ADCY2: variants seen among roughly 807,000 people sequenced by gnomAD.
The protein encoded by ADCY2 is adenylate cyclase 2, also known as adenylate cyclase type 2.
In ADCY2, 31 loss-of-function variants were observed where a neutral mutation model predicts 125.2. That is an observed-to-expected ratio of 0.25 (90% CI 0.19 to 0.33). The LOEUF (loss-of-function observed/expected upper bound fraction) is 0.33. ADCY2 is among the 10% of genes least tolerant of loss of function. ADCY2 has a pLI of 1.00. For synonymous variants in ADCY2, 512 were observed against 548.4 expected, an observed-to-expected ratio of 0.93 and a Z score of 0.93; for missense variants, 904 against 1,418.2, an observed-to-expected ratio of 0.64 and a Z score of 5.82.
intron 23 of ADCY2, among the ~76,000 whole-genome samples, chr5:7,819,865 A>G (rs369263091): frequency 6.6e-6 from 1 of 152,290 alleles, no homozygotes; most frequent in East Asian, 1.9e-4. Context: ...CTCCTACACT[A>G]ACTAGAGATG....
intron 3 of ADCY2, among the ~76,000 whole-genome samples, chr5:7,552,375 T>C (rs1735370343): frequency 6.6e-6 from 1 of 152,250 alleles, no homozygotes; most frequent in Non-Finnish European, 1.5e-5. Context: ...GTTGACAGAC[T>C]CTTTCAGCCT....
intron 4 of ADCY2, among the ~76,000 whole-genome samples, chr5:7,680,380 G>A (rs1740289900): frequency 6.6e-6 from 1 of 152,204 alleles, no homozygotes; most frequent in Non-Finnish European, 1.5e-5. Context: ...AGAAACCATG[G>A]TTTAGAGTAT....
intron 17 of ADCY2, among the ~76,000 whole-genome samples, chr5:7,767,093 T>C (rs1743406958): frequency 6.6e-6 from 1 of 152,226 alleles, no homozygotes; most frequent in Non-Finnish European, 1.5e-5. Flanking sequence ...TTTCCTACCA[T>C]ATGGCATTCA....
chr5:7,730,570 A>G (rs1353291985), intron 14 of ADCY2, among the ~76,000 whole-genome samples: 2 of 152,172 alleles, frequency 1.3e-5, no homozygotes, highest in Non-Finnish European at 2.9e-5. Flanking sequence ...GGGGGAGTCT[A>G]TGAGTAACAA....
chr5:7,481,132 C>G (rs1742714304), intron 2 of ADCY2, among the ~76,000 whole-genome samples: 2 of 152,202 alleles, frequency 1.3e-5, no homozygotes, highest in South Asian at 4.1e-4. Flanking sequence ...TCTCCACATC[C>G]TTGCCAGCAT....
chr5:7,611,627 T>C lies in ADCY2; in HGVS notation c.571-14540T>C, dbSNP rs533408539. Among the ~76,000 whole-genome samples the C allele has an allele frequency of 1.4e-3, 209 of 152,308 alleles. 1 individual carries two copies. The highest frequency in any genetic ancestry group is 2.5e-3 in the Non-Finnish European group (168 of 68,018). On this transcript the variant is annotated intron_variant, in intron 3 of 24. Coordinates refer to ENST00000338316, the MANE Select transcript of ADCY2 (RefSeq NM_020546.3). ...TACCTCTTCACACCATCAGGAAGCA[T>C]GTTAATTCATCCCAGAAATGCATTT...
chr5:7,451,363 G>A (rs1239069404), intron 2 of ADCY2, among the ~76,000 whole-genome samples: 1 of 152,216 alleles, frequency 6.6e-6, no homozygotes, highest in African/African-American at 2.4e-5. Context: ...TTCAATGCAT[G>A]GAGGAAGTAA....
intron 18 of ADCY2, among the ~76,000 whole-genome samples, chr5:7,784,018 C>G (rs138382011): frequency 2.2e-4 from 34 of 152,280 alleles, no homozygotes; most frequent in African/African-American, 8.2e-4. Flanking sequence ...CTGTCTCTTT[C>G]CGAGAGTAAT....
intron 4 of ADCY2, among the ~76,000 whole-genome samples, chr5:7,649,671 G>A (rs1454582975): frequency 1.3e-5 from 2 of 152,112 alleles, no homozygotes; most frequent in Admixed American, 6.6e-5. Flanking sequence ...CATTCTTACT[G>A]CTTTACAACC....
intron 3 of ADCY2, among the ~76,000 whole-genome samples, chr5:7,526,319 G>T (rs566009162): frequency 2.6e-5 from 4 of 152,222 alleles, no homozygotes; most frequent in Admixed American, 1.3e-4. Context: ...AAAAGGGAAG[G>T]CTGGGAAGGG....
At chr5:7,627,459 G>A (rs1302451007) in intron 4 of ADCY2, among the ~76,000 whole-genome samples, 1 of 152,176 alleles carries the variant, frequency 6.6e-6, no homozygotes, top group African/African-American at 2.4e-5. Context: ...GTGAACAGCT[G>A]TGTGTTCCTG....
Position 7,660,009 on chromosome 5 carries a change from A to G in ADCY2, c.721-30682A>G, listed in dbSNP as rs1175780276. 3.9e-5 allele frequency among the ~76,000 whole-genome samples: 6 copies of G among 152,208 alleles called. No homozygotes were observed. In the East Asian group the frequency reaches 1.2e-3, roughly 29 times the overall value. ...AATGCACATGGACACAAAGATGGAA[A>G]CAATAGATACCAGGGATTGCTTGAG... On this transcript the variant is annotated intron_variant, in intron 4 of 24. Coordinates refer to ENST00000338316, the MANE Select transcript of ADCY2 (RefSeq NM_020546.3).
intron 3 of ADCY2, among the ~76,000 whole-genome samples, chr5:7,624,948 A>G (rs151212182): frequency 1.3e-5 from 2 of 152,364 alleles, no homozygotes; most frequent in Non-Finnish European, 2.9e-5. Flanking sequence ...CTTGCCATGA[A>G]CACACAAGAG....
At chr5:7,593,604 A>C (rs1736915847) in intron 3 of ADCY2, among the ~76,000 whole-genome samples, 1 of 152,208 alleles carries the variant, frequency 6.6e-6, no homozygotes, top group Non-Finnish European at 1.5e-5. Flanking sequence ...ACTCAAAAAG[A>C]AGAGACTGGG....
chr5:7,741,948 C>T (rs1046811572), intron 14 of ADCY2, among the ~76,000 whole-genome samples: 2 of 151,798 alleles, frequency 1.3e-5, no homozygotes. Context: ...TCATTATTAT[C>T]ATCATCATCA....
intron 3 of ADCY2, among the ~76,000 whole-genome samples, chr5:7,587,401 C>T (rs1040055434): frequency 3.3e-5 from 5 of 152,120 alleles, no homozygotes; most frequent in African/African-American, 1.2e-4. Flanking sequence ...TGACGCATAG[C>T]GTTTTCTTTC....
chr5:7,763,967 C>A (rs1743310514), intron 16 of ADCY2, among the ~76,000 whole-genome samples: 1 of 152,156 alleles, frequency 6.6e-6, no homozygotes, highest in Non-Finnish European at 1.5e-5. Context: ...ACGTCAATTT[C>A]CAGTCACTGA....
chr5:7,474,381 G>C (rs1742444690), intron 2 of ADCY2, among the ~76,000 whole-genome samples: 1 of 152,186 alleles, frequency 6.6e-6, no homozygotes, highest in African/African-American at 2.4e-5. Flanking sequence ...GAAAAAATGG[G>C]AGTGCTCTGA....
At chr5:7,480,494 T>C (rs1579486369) in intron 2 of ADCY2, among the ~76,000 whole-genome samples, 1 of 152,238 alleles carries the variant, frequency 6.6e-6, no homozygotes, top group South Asian at 2.1e-4. Context: ...AGAAGACTAA[T>C]ACATGAACAG....
Sources: allele counts gnomAD v4.1 joint callset (sites outside exome capture counted in the v4.1 genomes callset), GRCh38; gene constraint gnomAD v4.1.1; transcripts MANE v1.5; gene names NCBI Gene and HGNC (gene_info 2026-07-23, HGNC 2026-07-21).